CPXM2: variants seen among roughly 807,000 people sequenced by gnomAD.
The protein encoded by CPXM2 is inactive carboxypeptidase-like protein X2.
In CPXM2, 66 loss-of-function variants were observed where a neutral mutation model predicts 86.1. That is an observed-to-expected ratio of 0.77 (90% confidence interval 0.63 to 0.94). The LOEUF (loss-of-function observed/expected upper bound fraction) is 0.94. Ranked by LOEUF, CPXM2 falls within the 40% of genes least tolerant of loss-of-function variation. CPXM2 has a pLI of 0.00. For synonymous variants in CPXM2, 388 were observed against 400.2 expected, an observed-to-expected ratio of 0.97 and a Z score of 0.36; for missense variants, 948 against 1,026.3, an observed-to-expected ratio of 0.92 and a Z score of 1.04.
rs556296589 is a variant in CPXM2 at position 123,756,129 on chromosome 10, C to T, written c.1917+1084G>A. The stretch of plus-strand genomic sequence containing the variant: ...CAAAAGTGCCAGCCAAAGCCATGGG[C>T]TGAATGTGCCTTCTGACTCCTGAGC... On this transcript the variant is annotated intron_variant, in intron 12 of 13. Transcript: ENST00000241305. Among the ~76,000 whole-genome samples the T allele has an allele frequency of 2.0e-5, 3 of 152,328 alleles. No individual in the cohort carries two copies. The East Asian group carries it at 5.8e-4, about 29-fold the overall frequency.
In CPXM2 at chr10:123,769,918, T is replaced by C. The variant is rs906210236; in HGVS notation, c.1102+998A>G. On this transcript the variant is annotated intron_variant, in intron 8 of 13. Transcript: ENST00000241305. ...GCTGACAACACATCTCCTTCCCTCA[T>C]TGGCAAAGCTGCTGCTTTTGAGGAA... is the stretch of plus-strand genomic sequence containing the variant. 4.6e-5 allele frequency among the ~76,000 whole-genome samples: 7 copies of C among 152,328 alleles called. No individual in the cohort carries two copies. In the East Asian group the frequency reaches 7.7e-4, roughly 17 times the overall value.
At chr10:123,921,172 T>C (rs970358493) in intron 2 of CPXM2, among the ~76,000 whole-genome samples, 20 of 152,222 alleles carry the variant, frequency 1.3e-4, no homozygotes, top group African/African-American at 4.8e-4. Context: ...AAGATTTCTT[T>C]CTAAAGAGAG....
chr10:123,924,073 GA>G (rs1446566770), intron 2 of CPXM2, among the ~76,000 whole-genome samples: 8 of 152,124 alleles, frequency 5.3e-5, no homozygotes, highest in Non-Finnish European at 1.2e-4. Context: ...AGTAAAAAGG[GA>G]AAAACACTCT....
At chr10:123,789,832 G>A (rs1163500420) in intron 6 of CPXM2, among the ~76,000 whole-genome samples, 1 of 152,100 alleles carries the variant, frequency 6.6e-6, no homozygotes, top group African/African-American at 2.4e-5. Flanking sequence ...AAAGAGAGCA[G>A]GGGTGGCCGG....
intron 2 of CPXM2, among the ~76,000 whole-genome samples, chr10:123,875,983 AT>A (rs1291205484): frequency 2.0e-5 from 3 of 151,512 alleles, no homozygotes; most frequent in Non-Finnish European, 4.4e-5. Flanking sequence ...CGCCCGGCTA[AT>A]TTTTGTATTT....
chr10:123,817,673 G>A (rs1006214211), intron 4 of CPXM2, among the ~76,000 whole-genome samples: 6 of 152,180 alleles, frequency 3.9e-5, no homozygotes, highest in Non-Finnish European at 5.9e-5. Context: ...TCAAATGCCC[G>A]TGGTCTCCAC....
intron 6 of CPXM2, among the ~76,000 whole-genome samples, chr10:123,781,834 T>C (rs1213778788): frequency 6.6e-6 from 1 of 152,144 alleles, no homozygotes. Context: ...ACATCTGCCA[T>C]CAACTGAGCC....
At chr10:123,861,002 G>A (rs904249148) in intron 3 of CPXM2, among the ~76,000 whole-genome samples, 1 of 152,196 alleles carries the variant, frequency 6.6e-6, no homozygotes, top group African/African-American at 2.4e-5. Context: ...CAGTCTGAGG[G>A]GTGGGGTGGA....
Position 123,757,271 on chromosome 10 carries a change from C to T in CPXM2, c.1859G>A (p.Ser620Asn), listed in dbSNP as rs1413429385. 3.1e-6 allele frequency: 5 copies of T among 1,613,972 alleles called. No homozygotes were observed. The South Asian group carries it at 3.3e-5, about 11-fold the overall frequency. ...ATTCTCCCACTCCTCGGGCAGCTGG[C>T]TCTCATGTGGGTATTTATCACAGCC... Reference protein sequence around the residue: ...YVGCDKYPHESQLPEEWENNR... With the variant: ...YVGCDKYPHENQLPEEWENNR... Residue 620 changes from serine (S) to asparagine (N), a missense_variant, in exon 12 of 14, where the codon AGC (serine) becomes AAC (asparagine). Transcript: ENST00000241305.
chr10:123,919,032 A>G (rs560445518), intron 2 of CPXM2, among the ~76,000 whole-genome samples: 16 of 136,316 alleles, frequency 1.2e-4, no homozygotes, highest in African/African-American at 4.3e-4. Context: ...GAAGAAAGAG[A>G]GCCCCTAAAT....
chr10:123,906,988 C>G (rs925722158), intron 2 of CPXM2, among the ~76,000 whole-genome samples: 2 of 152,198 alleles, frequency 1.3e-5, no homozygotes, highest in African/African-American at 4.8e-5. Flanking sequence ...TGCTACCCAT[C>G]TGAAGTTCAC....
At chr10:123,851,545 G>A (rs553543291) in intron 3 of CPXM2, among the ~76,000 whole-genome samples, 88 of 152,192 alleles carry the variant, frequency 5.8e-4, no homozygotes, top group African/African-American at 1.9e-3. Context: ...CAAGGCGGGC[G>A]GATCACAAGA....
chr10:123,941,272 T>G (rs1590133288), upstream of CPXM2, among the ~76,000 whole-genome samples: 1 of 152,258 alleles, frequency 6.6e-6, no homozygotes, highest in South Asian at 2.1e-4. Flanking sequence ...GCTAGGGCCG[T>G]GTTCCCTTTG....
upstream of CPXM2, among the ~76,000 whole-genome samples, chr10:123,893,492 G>C (rs1003382604): frequency 6.6e-6 from 1 of 152,228 alleles, no homozygotes; most frequent in African/African-American, 2.4e-5. Context: ...AGGGAGAGGA[G>C]GAGGCTGCTG....
intron 4 of CPXM2, among the ~76,000 whole-genome samples, chr10:123,829,585 G>A (rs909376260): frequency 1.1e-4 from 16 of 152,216 alleles, no homozygotes; most frequent in African/African-American, 2.9e-4. Context: ...TCTCAGATAT[G>A]CCAATTCTCC....
intron 7 of CPXM2, among the ~76,000 whole-genome samples, chr10:123,775,040 T>C (rs1247687387): frequency 6.6e-6 from 1 of 152,208 alleles, no homozygotes; most frequent in African/African-American, 2.4e-5. Context: ...ACTTGGAGAC[T>C]AAGGCCCAGA....
At chr10:123,873,574 C>T (rs112015006) in intron 2 of CPXM2, among the ~76,000 whole-genome samples, 12 of 152,286 alleles carry the variant, frequency 7.9e-5, no homozygotes, top group African/African-American at 2.4e-4. Context: ...AGAATAAACA[C>T]AACTTTTAAA....
upstream of CPXM2, among the ~76,000 whole-genome samples, chr10:123,941,746 T>C (rs1469995041): frequency 6.6e-6 from 1 of 152,188 alleles, no homozygotes; most frequent in Non-Finnish European, 1.5e-5. Context: ...CCTCTGCCTT[T>C]GGGGGTGCTT....
At chr10:123,888,122 C>G (rs1479994103) in intron 1 of CPXM2, among the ~76,000 whole-genome samples, 1 of 152,164 alleles carries the variant, frequency 6.6e-6, no homozygotes, top group Non-Finnish European at 1.5e-5. Context: ...GATCAAATCC[C>G]CAATGCCCTT....
Sources: gnomAD v4.1 joint callset for allele counts (sites outside exome capture counted in the v4.1 genomes callset) on GRCh38, gnomAD v4.1.1 for gene constraint, MANE v1.5 for transcripts, NCBI Gene and HGNC (gene_info 2026-07-23, HGNC 2026-07-21) for gene names.